Variants in PRKG1 observed in about 807,000 individuals in gnomAD.
PRKG1 encodes protein kinase cGMP-dependent 1, also known as cGMP-dependent protein kinase 1.
In PRKG1, 35 loss-of-function variants were observed where a neutral mutation model predicts 88.1. That is an observed-to-expected ratio of 0.40 (90% CI 0.30 to 0.53). The LOEUF is 0.53. Ranked by LOEUF, PRKG1 falls within the 20% of genes least tolerant of loss-of-function variation. PRKG1 has a pLI of 0.59. For missense variants in PRKG1, 540 were observed against 839.8 expected (o/e 0.64, Z 4.41); for synonymous variants, 303 against 292.5 (o/e 1.04, Z -0.37).
chr10:51,757,066 T>C (rs1253451257), intron 3 of PRKG1, among the ~76,000 whole-genome samples: 1 of 151,762 alleles, frequency 6.6e-6, no homozygotes, highest in Admixed American at 6.6e-5. Flanking sequence ...TTATTTTTTT[T>C]ATAATTTTGC....
chr10:52,131,200 T>C (rs1837247715), intron 7 of PRKG1, among the ~76,000 whole-genome samples: 2 of 152,190 alleles, frequency 1.3e-5, no homozygotes, highest in African/African-American at 4.8e-5. Flanking sequence ...GCATGTTGTA[T>C]GTGTGAGGCA....
intron 10 of PRKG1, among the ~76,000 whole-genome samples, chr10:52,264,670 C>A (rs1841527488): frequency 6.6e-6 from 1 of 151,966 alleles, no homozygotes; most frequent in Non-Finnish European, 1.5e-5. Context: ...ATTTGCCATT[C>A]CTATTTTGCA....
intron 3 of PRKG1, among the ~76,000 whole-genome samples, chr10:51,706,308 T>A (rs1392521775): frequency 6.6e-6 from 1 of 152,194 alleles, no homozygotes; most frequent in African/African-American, 2.4e-5. Context: ...TAACCTCAAA[T>A]GCTCCACCTG....
At chr10:51,756,505 G>A (rs1035104254) in intron 3 of PRKG1, among the ~76,000 whole-genome samples, 1 of 138,762 alleles carries the variant, frequency 7.2e-6, no homozygotes, top group Non-Finnish European at 1.6e-5. Context: ...AAAAAAGTCA[G>A]TAGAGCCTAC....
chr10:51,643,037 C>G (rs138394485), intron 3 of PRKG1, among the ~76,000 whole-genome samples: 417 of 152,132 alleles, frequency 2.7e-3, no homozygotes, highest in African/African-American at 9.6e-3. Context: ...CAAGAAAGCC[C>G]CGGGATTTCA....
chr10:52,224,328 A>G (rs1840323552), intron 9 of PRKG1, among the ~76,000 whole-genome samples: 1 of 152,086 alleles, frequency 6.6e-6, no homozygotes, highest in Non-Finnish European at 1.5e-5. Flanking sequence ...CAGATCCCAC[A>G]GGGCTCACTC....
At chr10:52,134,860 A>G (rs116279452) in intron 8 of PRKG1, among the ~76,000 whole-genome samples, 1 of 152,066 alleles carries the variant, frequency 6.6e-6, no homozygotes, top group African/African-American at 2.4e-5. Context: ...GATCACTAGA[A>G]CCAGAGCAGA....
At chr10:51,018,381 C>T (rs1843095634) in intron 1 of PRKG1, among the ~76,000 whole-genome samples, 1 of 151,632 alleles carries the variant, frequency 6.6e-6, no homozygotes, top group South Asian at 2.1e-4. Flanking sequence ...CTTCTTTTTC[C>T]TTGTCTGTTC....
intron 7 of PRKG1, among the ~76,000 whole-genome samples, chr10:52,094,315 T>A: frequency 6.6e-6 from 1 of 152,180 alleles, no homozygotes; most frequent in East Asian, 1.9e-4. Context: ...CATTTGTCAA[T>A]AATACTGCTA....
At chr10:52,072,143 G>A (rs1038872937) in intron 7 of PRKG1, among the ~76,000 whole-genome samples, 17 of 137,598 alleles carry the variant, frequency 1.2e-4, no homozygotes, top group African/African-American at 4.1e-4. Context: ...GAGACTCTCA[G>A]GGTTTATTGT....
intron 2 of PRKG1, among the ~76,000 whole-genome samples, chr10:51,366,448 C>T (rs1178052102): frequency 6.6e-6 from 1 of 151,906 alleles, no homozygotes. Flanking sequence ...ACTTTGGAAG[C>T]GTCTGATCAG....
At chr10:51,616,586 C>G (rs1442480638) in intron 3 of PRKG1, among the ~76,000 whole-genome samples, 1 of 151,990 alleles carries the variant, frequency 6.6e-6, no homozygotes, top group Non-Finnish European at 1.5e-5. Flanking sequence ...ATGGAATGGG[C>G]TGGGAAATCC....
intron 1 of PRKG1, among the ~76,000 whole-genome samples, chr10:51,129,053 T>C (rs1432579274): frequency 1.3e-5 from 2 of 152,222 alleles, no homozygotes; most frequent in East Asian, 1.9e-4. Context: ...TTTCAGGTGA[T>C]CTAATGATGA....
intron 1 of PRKG1, among the ~76,000 whole-genome samples, chr10:51,031,523 G>A (rs910982009): frequency 6.6e-6 from 1 of 152,166 alleles, no homozygotes; most frequent in African/African-American, 2.4e-5. Flanking sequence ...AGGGCAGGAG[G>A]TGAATGGGAA....
chr10:51,547,405 G>C (rs1842467561), intron 3 of PRKG1, among the ~76,000 whole-genome samples: 1 of 152,036 alleles, frequency 6.6e-6, no homozygotes, highest in Non-Finnish European at 1.5e-5. Context: ...TTCAAGTGTG[G>C]TTGAACGTCA....
chr10:51,590,914 C>T (rs1315728217), intron 3 of PRKG1, among the ~76,000 whole-genome samples: 2 of 152,192 alleles, frequency 1.3e-5, no homozygotes. Context: ...TGAACACTTA[C>T]TTCTGTCAAA....
chr10:51,323,729 G>T (rs1588838640), intron 2 of PRKG1, among the ~76,000 whole-genome samples: 1 of 152,180 alleles, frequency 6.6e-6, no homozygotes, highest in Non-Finnish European at 1.5e-5. Context: ...AGCACTTTGG[G>T]AAGCCAAGGC....
chr10:51,599,992 G>GT (rs1311250860), intron 3 of PRKG1, among the ~76,000 whole-genome samples: 1 of 152,110 alleles, frequency 6.6e-6, no homozygotes, highest in African/African-American at 2.4e-5. Flanking sequence ...AAAAACTGAA[G>GT]TCTAAAATCA....
At position 52,293,971 on chromosome 10, in the gene PRKG1, A is replaced by T. The variant is rs941056593; in HGVS notation, c.*71A>T. ...TGAGACACAGCTGCCAGCAAACCTG[A>T]GGGAAAGAGAGAAGATTAGTGCTCG... is the stretch of plus-strand genomic sequence containing the variant. On this transcript the variant is annotated 3_prime_UTR_variant, in exon 18 of 18. Coordinates refer to ENST00000373980, the MANE Select transcript of PRKG1 (RefSeq NM_006258.4). 3.1e-6 allele frequency: 4 copies of T among 1,300,826 alleles called. No individual in the cohort carries two copies. Among genetic ancestry groups the T allele is most frequent in the Non-Finnish European group, 4.4e-6 (4 of 908,572 alleles). The allele number at this position is 1,300,826 out of a possible 1,614,324, so 80.6% of individuals were successfully genotyped here.
Sources: allele counts gnomAD v4.1 joint callset (sites outside exome capture counted in the v4.1 genomes callset), GRCh38; gene constraint gnomAD v4.1.1; transcripts MANE v1.5; gene names NCBI Gene and HGNC (gene_info 2026-07-23, HGNC 2026-07-21).